The following DSP variants were observed in gnomAD, a reference collection of about 807,000 sequenced individuals.
DSP encodes the protein 250/210 kDa paraneoplastic pemphigus antigen.
Under a neutral mutation model 290.6 loss-of-function variants are expected in DSP, and 114 were observed. The observed-to-expected ratio is 0.39, with a 90% CI of 0.34 to 0.46. The LOEUF (loss-of-function observed/expected upper bound fraction) is 0.46. Among genes scored for constraint, DSP ranks in the 20% least tolerant of loss-of-function variants. DSP has a pLI of 0.99. For missense variants in DSP, 3,230 were observed against 3,495.8 expected, an observed-to-expected ratio of 0.92 and a Z score of 1.92; for synonymous variants, 1,311 against 1,316.4, an observed-to-expected ratio of 1.00 and a Z score of 0.09.
In DSP at chr6:7,558,180, A is replaced by G; in HGVS notation, c.338A>G (p.Gln113Arg). ...RSRELDECFA[Q>R]ANDQMEILDS... ...CGAGAATTGGATGAGTGTTTTGCCC[A>G]GGCCAATGACCAAATGGAAATCCTC... The change falls in exon 3 of 24, where the codon CAG (glutamine) becomes CGG (arginine). Residue 113 changes from glutamine (Q) to arginine (R), a missense_variant. Gln to Arg is a conservative substitution (Grantham distance 43). Around this residue, in one of 5 missense-constraint regions of DSP, gnomAD observed 646 missense variants for 684.3 expected, o/e 0.94. Coordinates refer to ENST00000379802, the MANE Select transcript of DSP (RefSeq NM_004415.4). The G allele has an allele frequency of 6.2e-7, 1 of 1,614,246 alleles. No homozygotes were observed. The highest frequency in any genetic ancestry group is 8.5e-7 in the Non-Finnish European group (1 of 1,180,038).
Position 7,553,236 on chromosome 6 carries a change from C to T in DSP, c.171-2482C>T, listed in dbSNP as rs565285646. 4.6e-5 allele frequency among the ~76,000 whole-genome samples: 7 copies of T among 152,180 alleles called. No individual in the cohort carries two copies. The East Asian group carries it at 9.7e-4, about 21-fold the overall frequency. On this transcript the variant is annotated intron_variant, in intron 1 of 23. Transcript: ENST00000379802. The stretch of plus-strand genomic sequence containing the variant: ...CCTTTTGCCTTGGCCTCCCAAAGTG[C>T]GGGGATTACAGGCGTGCCCCACCCT...
intron 1 of DSP, among the ~76,000 whole-genome samples, chr6:7,555,355 ATTC>A (rs1249261056): frequency 3.3e-5 from 5 of 152,294 alleles, no homozygotes; most frequent in Admixed American, 6.5e-5. Context: ...GAATGTTTTT[ATTC>A]TTAGGAATGA....
At chr6:7,563,183 G>A (rs904314486) in intron 5 of DSP, among the ~76,000 whole-genome samples, 9 of 152,144 alleles carry the variant, frequency 5.9e-5, no homozygotes, top group African/African-American at 1.9e-4. Flanking sequence ...AAAGCCATAT[G>A]TCATCCCGAC....
At chr6:7,574,834 A>G (rs756863146) in intron 17 of DSP, 39 bp downstream of exon 17, 89 of 1,613,890 alleles carry the variant, frequency 5.5e-5, no homozygotes, top group Non-Finnish European at 7.1e-5. Flanking sequence ...AACTTACAGG[A>G]ACTAATTCAG....
In DSP at chr6:7,584,961, G is replaced by A. The variant is rs1561704169; in HGVS notation, c.7699G>A (p.Val2567Ile). The A allele has an allele frequency of 6.2e-7, 1 of 1,614,180 alleles. No homozygotes were observed. Among genetic ancestry groups the A allele is most frequent in the Non-Finnish European group, 8.5e-7 (1 of 1,180,030 alleles). The change falls in exon 24 of 24, where the codon GTC becomes ATC. Residue 2567 changes from valine (V) to isoleucine (I), a missense_variant. Coordinates refer to ENST00000379802, the MANE Select transcript of DSP (RefSeq NM_004415.4). This position sits in a 1 kb window ranked among gnomAD's most constrained non-coding sequence, Gnocchi z 6.4. Reference sequence around the variant, plus strand: ...TGACATGATCTCCTTGAAAAATGGTGTCGGCACCAGCAGCAGCATGGGCAG... The same window carrying A: ...TGACATGATCTCCTTGAAAAATGGTATCGGCACCAGCAGCAGCATGGGCAG... ...FADMISLKNG[V>I]GTSSSMGSGV...
rs753600352 is a variant in DSP at position 7,583,247 on chromosome 6, G to A, written c.5985G>A (p.Leu1995=). 6.2e-7 allele frequency: 1 copy of A among 1,614,188 alleles called. No homozygotes were observed. Among genetic ancestry groups the A allele is most frequent in the South Asian group, 1.1e-5 (1 of 91,080 alleles). Residue 1995 remains leucine (L), a synonymous_variant, in exon 24 of 24, where the codon TTG becomes TTA. Transcript: ENST00000379802. This position sits in a 1 kb window ranked among gnomAD's most constrained non-coding sequence, Gnocchi z 4.0. ...ACAAAACAACCTTGGACAAACTATT[G>A]AAGGGGAAGAAGTCAGTGGAAGAAG... is the stretch of plus-strand genomic sequence containing the variant. ...LIDKTTLDKL[L]KGKKSVEEVA...
chr6:7,580,503 C>G lies in DSP; in HGVS notation c.4313C>G (p.Ser1438Cys). ...EDIQQQKATG[S>C]EVSQRKQQLE... is the part of the protein sequence containing the mutation. Reference sequence around the variant, plus strand: ...ATCCAACAGCAAAAGGCCACTGGCTCTGAGGTGTCTCAGAGGAAACAGCAG... The same window carrying G: ...ATCCAACAGCAAAAGGCCACTGGCTGTGAGGTGTCTCAGAGGAAACAGCAG... The change falls in exon 23 of 24, where the codon TCT becomes TGT. Residue 1438 changes from serine (S) to cysteine (C), a missense_variant. Physicochemically the swap from Ser to Cys is moderately radical, Grantham distance 112. Transcript: ENST00000379802. This position sits in a 1 kb window ranked among gnomAD's most constrained non-coding sequence, Gnocchi z 4.2. The G allele has an allele frequency of 6.2e-7, 1 of 1,614,048 alleles. No individual in the cohort carries two copies. The highest frequency in any genetic ancestry group is 1.1e-5 in the South Asian group (1 of 91,062).
chr6:7,541,798 C>G lies in DSP; in HGVS notation c.-118C>G. On this transcript the variant is annotated 5_prime_UTR_variant, in exon 1 of 24. Transcript: ENST00000379802. Reference sequence around the variant, plus strand: ...AGCGAGCAGCGACCTCGCGAGCCTTCCGCACTCCCGCCCGGTTCCCCGGCC... The same window carrying G: ...AGCGAGCAGCGACCTCGCGAGCCTTGCGCACTCCCGCCCGGTTCCCCGGCC... 3.0e-6 allele frequency: 4 copies of G among 1,349,550 alleles called. No individual in the cohort carries two copies. In the South Asian group the frequency reaches 5.9e-5, roughly 20 times the overall value. The allele number at this position is 1,349,550 out of a possible 1,614,324, so 83.6% of individuals were successfully genotyped here. A position where few individuals can be genotyped will look rare whatever the true frequency, so the allele number is the denominator to read the frequency against.
rs80325569 is a variant in DSP, at chr6:7,576,980, G to A, written c.2815G>A (p.Gly939Ser). The A allele has an allele frequency of 2.1e-3, 3,374 of 1,613,254 alleles. 62 individuals are homozygous for A. In the African/African-American group the frequency reaches 0.04, roughly 19 times the overall value. ...ATAGAACTTGCACAGTGAAATATCTGGCAAACGAGACAAATCAGAGGAAGT... is the reference window on the plus strand; with the variant it reads ...ATAGAACTTGCACAGTGAAATATCTAGCAAACGAGACAAATCAGAGGAAGT... ...EQKNLHSEIS[G>S]KRDKSEEVQK... The change falls in exon 20 of 24, where the codon GGC becomes AGC. Residue 939 changes from glycine to serine, a missense_variant. Around this residue, in one of 5 missense-constraint regions of DSP, gnomAD observed 1,714 missense variants for 1,844.5 expected, o/e 0.93. Transcript: ENST00000379802.
rs140488069 is a variant in DSP, at chr6:7,567,795, G to T, written c.1155G>T (p.Ala385=). 6 of 1,613,756 alleles carry T rather than the reference G, an allele frequency of 3.7e-6. 1 individual carries two copies. The South Asian group carries it at 6.6e-5, about 18-fold the overall frequency. The change falls in exon 10 of 24, where the codon GCG becomes GCT. Residue 385 remains alanine (A), a synonymous_variant. Coordinates refer to ENST00000379802, the MANE Select transcript of DSP (RefSeq NM_004415.4). ...ATCCTTCACAGTTTTTTGAAGAGGC[G>T]CAGTCTACTGAAGCATACCTGAAGG... is the stretch of plus-strand genomic sequence containing the variant. ...NAAYFQFFEE[A]QSTEAYLKGL...
chr6:7,549,938 G>T (rs1016100462), intron 1 of DSP, among the ~76,000 whole-genome samples: 1 of 152,036 alleles, frequency 6.6e-6, no homozygotes, highest in African/African-American at 2.4e-5. Flanking sequence ...TAAAAACTTT[G>T]TTTTTGCCTA....
At chr6:7,578,682 G>C in intron 22 of DSP, 120 bp downstream of exon 22, 2 of 831,522 alleles carry the variant, frequency 2.4e-6, no homozygotes, top group East Asian at 5.1e-5. Flanking sequence ...TTCCTCTAAA[G>C]GTTTAGTGTA....
chr6:7,560,472 G>A (rs112454948), intron 4 of DSP, among the ~76,000 whole-genome samples: 2 of 152,164 alleles, frequency 1.3e-5, no homozygotes, highest in African/African-American at 2.4e-5. Context: ...CTATTTGTAT[G>A]TTTTTCAAAT....
intron 5 of DSP, 133 bp from the exon 6 acceptor site, chr6:7,563,603 A>C: frequency 2.5e-6 from 2 of 789,662 alleles, no homozygotes; most frequent in Non-Finnish European, 2.2e-6. Context: ...AATATCTCAT[A>C]GAGCTAGTAA....
intron 4 of DSP, among the ~76,000 whole-genome samples, chr6:7,560,904 CTT>C (rs915377020): frequency 1.9e-4 from 29 of 150,388 alleles, no homozygotes; most frequent in African/African-American, 7.1e-4. Flanking sequence ...TGCTCAATGT[CTT>C]TAAATTTTGG....
chr6:7,566,668 G>A lies in DSP; in HGVS notation c.1044+187G>A, dbSNP rs192448837. On this transcript the variant is annotated intron_variant, in intron 8 of 23. Coordinates refer to ENST00000379802, the MANE Select transcript of DSP (RefSeq NM_004415.4). ...AAAGGACCAGACAATCAGTATTTTA[G>A]ACTTTCAGGCCATTTGGTCTCTGTT... Among the ~76,000 whole-genome samples, 4 of 152,320 alleles carry A rather than the reference G, an allele frequency of 2.6e-5. No homozygotes were observed. The East Asian group carries it at 7.7e-4, about 29-fold the overall frequency.
chr6:7,572,156 G>A, intron 15 of DSP, 88 bp downstream of exon 15: 9 of 1,197,038 alleles, frequency 7.5e-6, no homozygotes, highest in Non-Finnish European at 1.1e-5. Context: ...TTAAATGTTT[G>A]TAGGCAAAAA....
intron 1 of DSP, among the ~76,000 whole-genome samples, chr6:7,548,223 T>C (rs1214475583): frequency 3.3e-5 from 5 of 151,070 alleles, no homozygotes; most frequent in Non-Finnish European, 7.4e-5. Context: ...GCTGAGATCA[T>C]GCCACTGCAC....
intron 14 of DSP, 23 bp from the exon 15 acceptor site, chr6:7,571,819 G>C (rs766950432): frequency 6.2e-7 from 1 of 1,608,468 alleles, no homozygotes; most frequent in Admixed American, 1.7e-5. Flanking sequence ...TCTGATTTTT[G>C]TGGCCCTAAC....
Sources: gnomAD v4.1 joint callset for allele counts (sites outside exome capture counted in the v4.1 genomes callset) on GRCh38, gnomAD v4.1.1 for gene constraint, gnomAD v4.1.1 regional missense constraint, Gnocchi (gnomAD v3.1) non-coding constraint, MANE v1.5 for transcripts, NCBI Gene and HGNC (gene_info 2026-07-23, HGNC 2026-07-21) for gene names.